ARAP2: variants seen among roughly 807,000 people sequenced by gnomAD.
ARAP2 encodes ArfGAP with RhoGAP domain, ankyrin repeat and PH domain 2.
A neutral mutation model predicts 194.5 loss-of-function variants in ARAP2; 148 were observed. The ratio of observed to expected loss-of-function variants is 0.76; its 90% CI spans 0.67 to 0.87. ARAP2 has a LOEUF of 0.87. Ranked by LOEUF, ARAP2 falls within the 40% of genes least tolerant of loss-of-function variation. The pLI, the probability that ARAP2 is intolerant of heterozygous loss-of-function variation, is 0.00. For synonymous variants in ARAP2, 695 were observed against 683.5 expected (o/e 1.02, Z -0.26); for missense variants, 2,128 against 1,989.7 (o/e 1.07, Z -1.32).
intron 5 of ARAP2, among the ~76,000 whole-genome samples, chr4:36,025,090 G>A (rs991204254): frequency 1.3e-5 from 2 of 152,102 alleles, no homozygotes; most frequent in Admixed American, 1.3e-4. Flanking sequence ...GTGGGTGTTG[G>A]AGATAATTCA....
intron 6 of ARAP2, chr4:36,015,974 A>G (rs954426843): frequency 6.6e-6 from 1 of 152,184 alleles, no homozygotes; most frequent in African/African-American, 2.4e-5. Context: ...AAAACATTGC[A>G]TATGTGTAAA....
rs1420910491 is a variant in ARAP2 at position 36,019,515 on chromosome 4, C to T, written n.608-229G>A. On this transcript the variant is annotated intron_variant and non_coding_transcript_variant, in intron 5 of 12. Coordinates refer to the ARAP2 transcript ENST00000503225. ...ATGGAAGATTGACCTGGAACAATAT[C>T]GGATACAATTCTCCTCATCTTATAC... Among the ~76,000 whole-genome samples the T allele has an allele frequency of 1.3e-5, 2 of 149,026 alleles. 1 individual carries two copies. Among genetic ancestry groups the T allele is most frequent in the African/African-American group, 5.2e-5 (2 of 38,454 alleles).
intron 15 of ARAP2, among the ~76,000 whole-genome samples, chr4:36,158,372 C>T (rs1412124022): frequency 6.6e-6 from 1 of 152,048 alleles, no homozygotes; most frequent in African/African-American, 2.4e-5. Flanking sequence ...ACCTGCATTT[C>T]TTCCTATGTG....
intron 3 of ARAP2, among the ~76,000 whole-genome samples, chr4:36,049,713 A>C (rs1026595244): frequency 6.6e-6 from 1 of 152,208 alleles, no homozygotes; most frequent in Non-Finnish European, 1.5e-5. Context: ...ATTAAGAGTT[A>C]AATAATGTTA....
At chr4:36,150,807 A>C in intron 16 of ARAP2, 93 bp downstream of exon 16, 5 of 1,366,902 alleles carry the variant, frequency 3.7e-6, no homozygotes, top group Non-Finnish European at 5.0e-6. Flanking sequence ...ATTAGAAGCA[A>C]CTAAAGAACT....
At chr4:36,226,498 G>T (rs936081922) in intron 2 of ARAP2, among the ~76,000 whole-genome samples, 2 of 151,774 alleles carry the variant, frequency 1.3e-5, no homozygotes, top group African/African-American at 2.4e-5. Flanking sequence ...TTAAAAAAAC[G>T]TATCTTTTAA....
At chr4:36,190,565 C>A (rs1175201104) in intron 7 of ARAP2, among the ~76,000 whole-genome samples, 1 of 152,196 alleles carries the variant, frequency 6.6e-6, no homozygotes, top group Non-Finnish European at 1.5e-5. Context: ...CATTAGTCTA[C>A]ATGATAATAA....
In ARAP2 at chr4:36,229,011, G is replaced by C. The variant is rs756853515; in HGVS notation, c.476C>G (p.Pro159Arg). ...PKRDFPTAEE[P>R]HLNLGSLNDS... Reference sequence around the variant, plus strand: ...ATTCAAAGAACCCAAATTCAGGTGTGGTTCCTCTGCAGTGGGGAAGTCGCG... The same window carrying C: ...ATTCAAAGAACCCAAATTCAGGTGTCGTTCCTCTGCAGTGGGGAAGTCGCG... The change falls in exon 2 of 33, where the codon CCA (proline) becomes CGA (arginine). Residue 159 changes from proline (P) to arginine (R), a missense_variant. By Grantham distance (103) the Pro-to-Arg change is moderately radical. Transcript: ENST00000303965. 29 of 1,614,098 alleles carry C rather than the reference G, an allele frequency of 1.8e-5. No individual in the cohort carries two copies. Among genetic ancestry groups the C allele is most frequent in the Non-Finnish European group, 2.3e-5 (27 of 1,180,012 alleles).
At chr4:36,204,987 CAAAAAAAAAAAAAAAAAAAAAAAAA>C (rs754960122) in intron 6 of ARAP2, among the ~76,000 whole-genome samples, 1 of 35,072 alleles carries the variant, frequency 2.9e-5, no homozygotes, top group Non-Finnish European at 4.5e-5. Flanking sequence ...GACTCCATCT[CAAAAAAAAAAAAAAAAAAAAAAAAA>C]AAAAAAAAAA....
chr4:36,091,150 A>C (rs1372259821), intron 28 of ARAP2, among the ~76,000 whole-genome samples: 1 of 152,176 alleles, frequency 6.6e-6, no homozygotes, highest in African/African-American at 2.4e-5. Flanking sequence ...AAAAAAAATC[A>C]TATATTATTT....
chr4:36,156,369 G>GGGAGGGAA (rs1732359058), intron 15 of ARAP2, among the ~76,000 whole-genome samples: 1 of 45,012 alleles, frequency 2.2e-5, no homozygotes, highest in Non-Finnish European at 4.1e-5. Context: ...GAGGGAGGGA[G>GGGAGGGAA]GGAGGGGGAA....
At chr4:36,039,128 C>A (rs1024211590) in intron 5 of ARAP2, among the ~76,000 whole-genome samples, 3 of 152,110 alleles carry the variant, frequency 2.0e-5, no homozygotes, top group African/African-American at 7.2e-5. Context: ...AGGAAGAAAA[C>A]CATTCATGGG....
intron 27 of ARAP2, among the ~76,000 whole-genome samples, chr4:36,093,750 C>A (rs11930398): frequency 0.16 from 24,103 of 152,066 alleles, 4,333 homozygotes; most frequent in African/African-American, 0.44. Context: ...CCTGACAGAA[C>A]GTTTTTTCAG....
Position 36,210,377 on chromosome 4 carries a change from C to T in ARAP2, c.1487+13G>A, listed in dbSNP as rs769650421. Reference sequence around the variant, plus strand: ...AAATATGCCACTTATGAAATAAATGCATACGTACATACCCTTGAGGAGAGA... The same window carrying T: ...AAATATGCCACTTATGAAATAAATGTATACGTACATACCCTTGAGGAGAGA... On this transcript the variant is annotated intron_variant, in intron 6 of 32. Coordinates refer to ENST00000303965, the MANE Select transcript of ARAP2 (RefSeq NM_015230.4). 4 of 1,563,732 alleles carry T rather than the reference C, an allele frequency of 2.6e-6. No homozygotes were observed. The South Asian group carries it at 4.8e-5, about 19-fold the overall frequency.
At chr4:36,219,211 C>T (rs1320712452) in intron 2 of ARAP2, among the ~76,000 whole-genome samples, 2 of 152,134 alleles carry the variant, frequency 1.3e-5, no homozygotes, top group South Asian at 2.1e-4. Flanking sequence ...CACAGCAATC[C>T]TACTCCTAGG....
intron 9 of ARAP2, among the ~76,000 whole-genome samples, chr4:36,170,723 T>G (rs1736421758): frequency 1.3e-5 from 2 of 152,230 alleles, no homozygotes; most frequent in African/African-American, 2.4e-5. Flanking sequence ...AACTCTCGTT[T>G]GATTTCCTAA....
chr4:36,192,519 T>C lies in ARAP2; in HGVS notation c.1557+1059A>G, dbSNP rs187157489. Among the ~76,000 whole-genome samples the C allele has an allele frequency of 2.5e-3, 381 of 152,276 alleles. 3 individuals are homozygous for C. The highest frequency in any genetic ancestry group is 3.0e-3 in the Non-Finnish European group (202 of 68,022). On this transcript the variant is annotated intron_variant, in intron 7 of 32. Transcript: ENST00000303965. ...GCAACAGTTTTATGGCATGGAAGCC[T>C]GTCTCACTCCTGAGTAGTTTTCCTC...
Position 36,114,247 on chromosome 4 carries a change from A to G in ARAP2, c.4079T>C (p.Ile1360Thr). ...AGGAATAATATTTTTTATCGCTAAT[A>G]TATCATTAGTTAATTCTTCTGCTTC... The part of the protein sequence containing the change: ...VMEAEELTND[I>T]LAIKNIIPTK... The change falls in exon 26 of 33, where the codon ATA becomes ACA. Residue 1360 changes from isoleucine (I) to threonine (T), a missense_variant. Transcript: ENST00000303965. 1 of 1,598,856 alleles carries G rather than the reference A, an allele frequency of 6.3e-7. No individual in the cohort carries two copies. The highest frequency in any genetic ancestry group is 1.1e-5 in the South Asian group (1 of 89,986).
At chr4:36,092,397 G>A (rs1713959587) in intron 27 of ARAP2, among the ~76,000 whole-genome samples, 1 of 150,812 alleles carries the variant, frequency 6.6e-6, no homozygotes, top group Admixed American at 6.6e-5. Flanking sequence ...ATTATCTGAG[G>A]TCAGGAGTTC....
Sources: allele counts gnomAD v4.1 joint callset (sites outside exome capture counted in the v4.1 genomes callset), GRCh38; gene constraint gnomAD v4.1.1; transcripts MANE v1.5; gene names NCBI Gene and HGNC (gene_info 2026-07-23, HGNC 2026-07-21).